GGTA1: variants seen among roughly 807,000 people sequenced by gnomAD.
The protein encoded by GGTA1 is glycoprotein alpha-galactosyltransferase 1 (inactive).
Under a neutral mutation model 2.6 loss-of-function variants are expected in GGTA1, and 5 were observed. The observed-to-expected ratio is 1.92, with a 90% CI of 1.00 to 4.04. GGTA1 has a LOEUF of 4.04. Ranked by LOEUF, GGTA1 falls within the 30% of genes most tolerant of loss-of-function variation. The pLI is 0.00. For missense variants in GGTA1, 50 were observed against 16.7 expected (o/e 2.99, Z -3.47); for synonymous variants, 17 against 5.0 (o/e 3.38, Z -3.19).
intron 1 of GGTA1, among the ~76,000 whole-genome samples, chr9:121,471,260 C>A (rs1433417990): frequency 6.6e-6 from 1 of 152,168 alleles, no homozygotes; most frequent in African/African-American, 2.4e-5. Flanking sequence ...TTGGGCTCCC[C>A]CTGTCTATTC....
chr9:121,468,796 G>C (rs1340577587), intron 1 of GGTA1, among the ~76,000 whole-genome samples: 1 of 152,192 alleles, frequency 6.6e-6, no homozygotes, highest in Non-Finnish European at 1.5e-5. Flanking sequence ...GGGGCTCAGA[G>C]GGGAGGTATC....
chr9:121,481,629 C>T (rs141145096), intron 1 of GGTA1, among the ~76,000 whole-genome samples: 3,367 of 137,284 alleles, frequency 0.025, 58 homozygotes, highest in Middle Eastern at 0.038. Context: ...TTGCAGTGAG[C>T]CAAGATTGCG....
At chr9:121,480,715 A>G (rs1364601029) in intron 1 of GGTA1, among the ~76,000 whole-genome samples, 1 of 152,156 alleles carries the variant, frequency 6.6e-6, no homozygotes, top group African/African-American at 2.4e-5. Flanking sequence ...TAGGGTCCAG[A>G]AGTCTTCCTA....
At chr9:121,461,118 A>G (rs1013639067) in intron 4 of GGTA1, 134 bp downstream of exon 4, 6 of 352,756 alleles carry the variant, frequency 1.7e-5, no homozygotes, top group Non-Finnish European at 2.8e-5. Flanking sequence ...CACTCACAAA[A>G]TATTCTTCAT....
chr9:121,460,929 T>C (rs1272546628), intron 4 of GGTA1, among the ~76,000 whole-genome samples: 1 of 151,990 alleles, frequency 6.6e-6, no homozygotes, highest in Non-Finnish European at 1.5e-5. Context: ...AAAGACTTAT[T>C]TATCTGGATG....
chr9:121,491,010 C>A (rs1220305568), intron 1 of GGTA1, among the ~76,000 whole-genome samples: 4 of 148,242 alleles, frequency 2.7e-5, no homozygotes, highest in African/African-American at 1.1e-4. Flanking sequence ...CCTTTCTCTG[C>A]ATGGCTCTGG....
chr9:121,486,308 G>T (rs1361497433), intron 1 of GGTA1, among the ~76,000 whole-genome samples: 4 of 152,220 alleles, frequency 2.6e-5, no homozygotes, highest in African/African-American at 9.6e-5. Flanking sequence ...GTTGCTATCT[G>T]GCTGGACCAC....
chr9:121,492,603 A>G (rs1828893007), intron 1 of GGTA1, among the ~76,000 whole-genome samples: 1 of 151,920 alleles, frequency 6.6e-6, no homozygotes, highest in Non-Finnish European at 1.5e-5. Context: ...CCTCCCTCAT[A>G]GCTGGGATTA....
At position 121,465,040 on chromosome 9, in the gene GGTA1, G is replaced by A. The variant is rs569943339; in HGVS notation, c.81-1712C>T. On this transcript the variant is annotated intron_variant, in intron 2 of 5. Coordinates refer to ENST00000481799, the MANE Select transcript of GGTA1 (RefSeq NM_001382585.1). Reference sequence around the variant, plus strand: ...AAAACAAAAAACAACTCCTCCCCTTGAAGTTTTTTGCAGATGTTCAAGTGG... The same window carrying A: ...AAAACAAAAAACAACTCCTCCCCTTAAAGTTTTTTGCAGATGTTCAAGTGG... Among the ~76,000 whole-genome samples, 176 of 147,958 alleles carry A rather than the reference G, an allele frequency of 1.2e-3. 1 individual carries two copies. The highest frequency in any genetic ancestry group is 4.1e-3 in the African/African-American group (165 of 40,312).
At chr9:121,456,235 T>C (rs1475611110) in intron 5 of GGTA1, among the ~76,000 whole-genome samples, 1 of 152,186 alleles carries the variant, frequency 6.6e-6, no homozygotes, top group Non-Finnish European at 1.5e-5. Context: ...CTCAGATGCT[T>C]TCCTTCCACG....
intron 1 of GGTA1, among the ~76,000 whole-genome samples, chr9:121,495,534 C>T (rs1328144577): frequency 6.6e-6 from 1 of 151,962 alleles, no homozygotes; most frequent in Non-Finnish European, 1.5e-5. Context: ...GCAACAAGAG[C>T]AAAACTCCAT....
At chr9:121,456,090 C>T (rs2064909018) in intron 5 of GGTA1, among the ~76,000 whole-genome samples, 1 of 151,870 alleles carries the variant, frequency 6.6e-6, no homozygotes, top group African/African-American at 2.4e-5. Flanking sequence ...CCCACAAAAC[C>T]CCCCAAAAAA....
intron 5 of GGTA1, among the ~76,000 whole-genome samples, chr9:121,456,447 T>G (rs1477863815): frequency 2.0e-5 from 3 of 152,162 alleles, no homozygotes; most frequent in Non-Finnish European, 4.4e-5. Context: ...AGACGGAGTT[T>G]GGCTCTTGTT....
In GGTA1 at chr9:121,467,845, G is replaced by A; in HGVS notation, c.78C>T (p.Asn26=). The A allele has an allele frequency of 4.4e-6, 2 of 455,994 alleles. No individual in the cohort carries two copies. The highest frequency in any genetic ancestry group is 2.4e-5 in the Admixed American group (1 of 42,460). The allele number at this position is 455,994 out of a possible 1,614,324, so 28.2% of individuals were successfully genotyped here. Residue 26 remains asparagine (N), a splice_region_variant and synonymous_variant, in exon 2 of 6, where the codon AAC becomes AAT. Coordinates refer to ENST00000481799, the MANE Select transcript of GGTA1 (RefSeq NM_001382585.1). ...TVIIVFWEFI[N]STEGSFLWIY... ...ACTTCATCATGTTTCATAATTACCT[G>A]TTGATAAATTCCCAAAACACAATGA...
At chr9:121,465,000 ACAAAC>A (rs1426418920) in intron 2 of GGTA1, among the ~76,000 whole-genome samples, 2,889 of 142,064 alleles carry the variant, frequency 0.02, 153 homozygotes, top group African/African-American at 0.034. Context: ...AAAAAACAAA[ACAAAC>A]AAAAAAAAAA....
At chr9:121,465,013 A>AC (rs2064994244) in intron 2 of GGTA1, among the ~76,000 whole-genome samples, 2 of 151,784 alleles carry the variant, frequency 1.3e-5, no homozygotes, top group Admixed American at 6.6e-5. Context: ...AACAAAAAAA[A>AC]AAAAACAAAA....
chr9:121,457,911 CTT>C (rs530400416), intron 5 of GGTA1, among the ~76,000 whole-genome samples: 16 of 135,264 alleles, frequency 1.2e-4, no homozygotes, highest in African/African-American at 8.2e-5. Context: ...GAAAAGGATA[CTT>C]TTTTTTTTTT....
At chr9:121,488,097 ATG>A (rs1024351765) in intron 1 of GGTA1, among the ~76,000 whole-genome samples, 1 of 139,276 alleles carries the variant, frequency 7.2e-6, no homozygotes, top group East Asian at 2.1e-4. Context: ...CAGGTTGTGG[ATG>A]TGTGTGTGTG....
chr9:121,453,312 G>T (rs1293077261), downstream of GGTA1, among the ~76,000 whole-genome samples: 7 of 152,244 alleles, frequency 4.6e-5, no homozygotes, highest in Admixed American at 4.6e-4. Flanking sequence ...GGGGTGAGAG[G>T]GAGGGCTCTG....
Sources: gnomAD v4.1 joint callset for allele counts (sites outside exome capture counted in the v4.1 genomes callset) on GRCh38, gnomAD v4.1.1 for gene constraint, MANE v1.5 for transcripts, NCBI Gene and HGNC (gene_info 2026-07-23, HGNC 2026-07-21) for gene names.